PDE6C: variants seen among roughly 807,000 people sequenced by gnomAD.
PDE6C encodes the protein cone cGMP-specific 3',5'-cyclic phosphodiesterase subunit alpha'.
PDE6C carries 75 observed loss-of-function variants against 113.1 expected under a neutral mutation model. That is an observed-to-expected ratio of 0.66 (90% CI 0.55 to 0.80). The LOEUF is 0.80. Among genes scored for constraint, PDE6C ranks in the 30% least tolerant of loss-of-function variants. The probability of loss-of-function intolerance (pLI) is 0.00; values close to 1 mark genes in which losing one functional copy is unlikely to be tolerated. For missense variants in PDE6C, 912 were observed against 1,038.6 expected (o/e 0.88, Z 1.67); for synonymous variants, 375 against 363.7 (o/e 1.03, Z -0.35).
At chr10:93,631,517 C>T (rs4558100) in intron 8 of PDE6C, among the ~76,000 whole-genome samples, 2 of 152,224 alleles carry the variant, frequency 1.3e-5, no homozygotes, top group Non-Finnish European at 2.9e-5. Context: ...CCTCAACCTT[C>T]CATCCTTCCG....
In PDE6C at chr10:93,627,925, A is replaced by T. The variant is rs192831774; in HGVS notation, c.1071+1054A>T. ...ATGGTTCATTCAATTATTCTCAGAA[A>T]GCACTTACCTTGGGGCCGAGAGGCA... On this transcript the variant is annotated intron_variant, in intron 7 of 21. Coordinates refer to ENST00000371447, the MANE Select transcript of PDE6C (RefSeq NM_006204.4). Among the ~76,000 whole-genome samples, 1,304 of 152,330 alleles carry T rather than the reference A, an allele frequency of 8.6e-3. 7 individuals carry two copies. Among genetic ancestry groups the T allele is most frequent in the Non-Finnish European group, 0.014 (941 of 68,036 alleles).
chr10:93,626,450 G>A (rs2785137), intron 5 of PDE6C, among the ~76,000 whole-genome samples, 190 bp from the exon 6 acceptor site: 55,821 of 152,024 alleles, frequency 0.37, 10,468 homozygotes, highest in East Asian at 0.46. Context: ...TAGATAAACA[G>A]CCAATAATAT....
At chr10:93,646,602 A>G (rs972446033) in intron 15 of PDE6C, among the ~76,000 whole-genome samples, 1 of 152,164 alleles carries the variant, frequency 6.6e-6, no homozygotes, top group African/African-American at 2.4e-5. Flanking sequence ...GGAGCCTACA[A>G]TCATGGTGGA....
In PDE6C at chr10:93,624,819, G is replaced by C. The variant is rs529121628; in HGVS notation, c.865-756G>C. Among the ~76,000 whole-genome samples, 10 of 152,330 alleles carry C rather than the reference G, an allele frequency of 6.6e-5. No homozygotes were observed. In the South Asian group the frequency reaches 1.7e-3, roughly 25 times the overall value. ...TCAGTGCAGTCATTAAAGTCCAGGT[G>C]CTTTCTCTTTCTTCCTGGCAAGGTC... On this transcript the variant is annotated intron_variant, in intron 4 of 21. Coordinates refer to ENST00000371447, the MANE Select transcript of PDE6C (RefSeq NM_006204.4).
intron 1 of PDE6C, among the ~76,000 whole-genome samples, chr10:93,618,643 T>G (rs573231522): frequency 6.6e-6 from 1 of 152,346 alleles, no homozygotes; most frequent in South Asian, 2.1e-4. Flanking sequence ...GCAGGAGTGA[T>G]TCCCCATTGG....
chr10:93,657,394 G>A (rs1275231281), intron 16 of PDE6C, among the ~76,000 whole-genome samples: 12 of 134,596 alleles, frequency 8.9e-5, no homozygotes, highest in African/African-American at 3.4e-4. Context: ...ATGTTGGCCA[G>A]GATGGTCTCT....
chr10:93,655,967 C>A, intron 16 of PDE6C, 107 bp downstream of exon 16: 1 of 753,848 alleles, frequency 1.3e-6, no homozygotes, highest in East Asian at 2.5e-5. Flanking sequence ...CACACACATA[C>A]ACACACACAG....
intron 16 of PDE6C, among the ~76,000 whole-genome samples, chr10:93,656,734 T>A (rs2058639638): frequency 6.6e-6 from 1 of 151,974 alleles, no homozygotes; most frequent in Admixed American, 6.6e-5. Flanking sequence ...CACATCTGGC[T>A]AATTTTTATA....
intron 9 of PDE6C, 21 bp from the exon 10 acceptor site, chr10:93,635,476 A>G (rs769771070): frequency 2.5e-6 from 4 of 1,604,582 alleles, no homozygotes; most frequent in Non-Finnish European, 3.4e-6. Context: ...GAGAATTAGA[A>G]TCACCTTTTA....
In PDE6C at chr10:93,637,151, A is replaced by G. The variant is rs997548745; in HGVS notation, c.1482+88A>G. Reference sequence around the variant, plus strand: ...TTAGGACATGCTTTCTTGTTTTTCAAGTAAATGTTGAGTTTTCTCTTTCCT... The same window carrying G: ...TTAGGACATGCTTTCTTGTTTTTCAGGTAAATGTTGAGTTTTCTCTTTCCT... On this transcript the variant is annotated intron_variant, in intron 11 of 21. Transcript: ENST00000371447. 6.4e-4 allele frequency: 471 copies of G among 734,756 alleles called. 4 individuals are homozygous for G. The highest frequency in any genetic ancestry group is 1.1e-3 in the Admixed American group (51 of 47,206). The allele number at this position is 734,756 out of a possible 1,614,324, so 45.5% of individuals were successfully genotyped here.
chr10:93,614,706 CTCTGTGGTGAGAAGGAAATAA>C (rs1340800641), intron 1 of PDE6C, among the ~76,000 whole-genome samples: 1 of 152,126 alleles, frequency 6.6e-6, no homozygotes, highest in Non-Finnish European at 1.5e-5. Context: ...TAGCCCAGTT[CTCTGTGGTGAGAAGGAAATAA>C]GAGCATGGAG....
chr10:93,623,211 G>T (rs1410714764), intron 4 of PDE6C, among the ~76,000 whole-genome samples: 1 of 152,198 alleles, frequency 6.6e-6, no homozygotes, highest in Non-Finnish European at 1.5e-5. Flanking sequence ...GTTCCCCAAT[G>T]ACATATGATG....
Position 93,634,781 on chromosome 10 carries a change from T to C in PDE6C, c.1143T>C (p.Gly381=). 2 of 1,614,066 alleles carry C rather than the reference T, an allele frequency of 1.2e-6. No individual in the cohort carries two copies. The highest frequency in any genetic ancestry group is 1.7e-6 in the Non-Finnish European group (2 of 1,179,988). ...AGAAAGGACCTGTAGACGAAACTGGTTGGGTCATTAAGAATGTTTTGTCCC... is the reference window on the plus strand; with the variant it reads ...AGAAAGGACCTGTAGACGAAACTGGCTGGGTCATTAAGAATGTTTTGTCCC... ...TFQKGPVDET[G]WVIKNVLSLP... Residue 381 remains glycine (G), a synonymous_variant, in exon 9 of 22, where the codon GGT becomes GGC. Transcript: ENST00000371447.
At chr10:93,633,489 AAT>A (rs1491315644) in intron 8 of PDE6C, among the ~76,000 whole-genome samples, 1 of 150,074 alleles carries the variant, frequency 6.7e-6, no homozygotes, top group African/African-American at 2.4e-5. Flanking sequence ...AATAAAAAAA[AAT>A]AAACAAGCTA....
chr10:93,658,819 A>G lies in PDE6C; in HGVS notation c.2037-82A>G, dbSNP rs527351969. On this transcript the variant is annotated intron_variant, in intron 16 of 21. Transcript: ENST00000371447. ...CATCACAATGCAAAGTGGGAACGTG[A>G]AATCTGAAAAGCATGTATTTAAGAT... 48 of 857,492 alleles carry G rather than the reference A, an allele frequency of 5.6e-5. No individual in the cohort carries two copies. In the African/African-American group the frequency reaches 7.6e-4, roughly 14 times the overall value. 53.1% of individuals were successfully genotyped at this position (857,492 alleles called of 1,614,324 possible).
rs2058437210 is a variant in PDE6C at position 93,619,916 on chromosome 10, T to C, written c.481-716T>C. On this transcript the variant is annotated intron_variant, in intron 1 of 21. Coordinates refer to ENST00000371447, the MANE Select transcript of PDE6C (RefSeq NM_006204.4). ...AATCAGTAAAGGACAGTTGAGTGGA[T>C]CATAAAGCACCCAGGGTGGAGTAGT... is the stretch of plus-strand genomic sequence containing the variant. Among the ~76,000 whole-genome samples, 4 of 152,102 alleles carry C rather than the reference T, an allele frequency of 2.6e-5. No homozygotes were observed. In the South Asian group the frequency reaches 8.3e-4, roughly 32 times the overall value.
At chr10:93,632,222 T>G (rs1245709046) in intron 8 of PDE6C, among the ~76,000 whole-genome samples, 4 of 152,240 alleles carry the variant, frequency 2.6e-5, no homozygotes, top group African/African-American at 9.6e-5. Context: ...ACATCCAGGC[T>G]AATTTCCCCA....
chr10:93,622,639 G>GTTTTTT lies in PDE6C; in HGVS notation c.864+572_864+577dup, dbSNP rs67350128. Among the ~76,000 whole-genome samples the GTTTTTT allele has an allele frequency of 3.9e-4, 44 of 113,988 alleles. 1 individual carries two copies. The highest frequency in any genetic ancestry group is 6.7e-4 in the African/African-American group (18 of 26,762). The allele number at this position is 113,988 out of a possible 152,430, so 74.8% of individuals were successfully genotyped here. On this transcript the variant is annotated intron_variant, in intron 4 of 21. Transcript: ENST00000371447. ...CCTTCCAAACTCCTGGTAGCCACAG[G>GTTTTTT]TTTTTTTTTTGTTTTTTTTTTTGTT...
rs1284234078 is a variant in PDE6C at position 93,622,020 on chromosome 10, AT to A, written c.813del (p.Leu272Ter). On this transcript the variant is annotated frameshift_variant, in exon 4 of 22. Coordinates refer to ENST00000371447, the MANE Select transcript of PDE6C (RefSeq NM_006204.4). LOFTEE classifies it high-confidence loss of function. ...FHKALYTVRS[Y>X]LNCERYSIGL... The stretch of plus-strand genomic sequence containing the variant: ...AAAGCGCTCTACACGGTTAGATCAT[AT>A]CTGAACTGTGAACGATACTCCATTG... The A allele has an allele frequency of 6.2e-7, 1 of 1,613,954 alleles. No individual in the cohort carries two copies. Among genetic ancestry groups the A allele is most frequent in the African/African-American group, 1.3e-5 (1 of 75,074 alleles).
Sources: gnomAD v4.1 joint callset for allele counts (sites outside exome capture counted in the v4.1 genomes callset) on GRCh38, gnomAD v4.1.1 for gene constraint, MANE v1.5 for transcripts, NCBI Gene and HGNC (gene_info 2026-07-23, HGNC 2026-07-21) for gene names.